CABYR: variants seen among roughly 807,000 people sequenced by gnomAD.
CABYR encodes calcium-binding tyrosine phosphorylation-regulated protein.
Under a neutral mutation model 36.1 loss-of-function variants are expected in CABYR, and 31 were observed. That is an observed-to-expected ratio of 0.86 (90% CI 0.64 to 1.16). The LOEUF is 1.16. Among genes scored for constraint, CABYR ranks in the 50% most tolerant of loss-of-function variants. The pLI, the probability that CABYR is intolerant of heterozygous loss-of-function variation, is 0.00. For synonymous variants in CABYR, 146 were observed against 160.7 expected, an observed-to-expected ratio of 0.91 and a Z score of 0.69; for missense variants, 429 against 455.8, an observed-to-expected ratio of 0.94 and a Z score of 0.53.
At chr18:24,160,193 C>T (rs1358850199) in intron 5 of CABYR, 124 bp downstream of exon 5, 13 of 727,966 alleles carry the variant, frequency 1.8e-5, no homozygotes, top group Non-Finnish European at 9.1e-6. Context: ...GGGGTATACT[C>T]TAACTTCCTG....
intron 3 of CABYR, among the ~76,000 whole-genome samples, chr18:24,155,094 T>C (rs2085742567): frequency 6.6e-6 from 1 of 152,256 alleles, no homozygotes; most frequent in Non-Finnish European, 1.5e-5. Flanking sequence ...TTTATTAATA[T>C]GCAGCATCTA....
In CABYR at chr18:24,159,579, C is replaced by A. The variant is rs1435489930; in HGVS notation, c.649C>A (p.Pro217Thr). ...AGGTCACCCATCACCGCCACCTGCA[C>A]CTGGGCCTTTTCCCCAAGCAACCCT... ...QQGHPSPPPAPGPFPQATLYL... is the reference protein window; with the variant it reads ...QQGHPSPPPATGPFPQATLYL... The change falls in exon 5 of 6, where the codon CCT becomes ACT. Residue 217 changes from proline to threonine, a missense_variant. Physicochemically the swap from Pro to Thr is conservative, Grantham distance 38. Transcript: ENST00000399496. The A allele has an allele frequency of 6.2e-7, 1 of 1,614,098 alleles. No homozygotes were observed. The highest frequency in any genetic ancestry group is 8.5e-7 in the Non-Finnish European group (1 of 1,180,018).
In CABYR at chr18:24,155,784, G is replaced by A. The variant is rs780422303; in HGVS notation, c.283G>A (p.Val95Ile). ...AGGAAAAACATCTGTAGAATCTAAA[G>A]TACCTACCCAGATGGAAAAATCTAC... ...EPGKTSVESK[V>I]PTQMEKSTDT... The change falls in exon 4 of 6, where the codon GTA (valine) becomes ATA (isoleucine). Residue 95 changes from valine to isoleucine, a missense_variant. Val to Ile is a conservative substitution (Grantham distance 29, BLOSUM62 3). Coordinates refer to ENST00000399496, the MANE Select transcript of CABYR (RefSeq NM_153769.3). 1.9e-6 allele frequency: 3 copies of A among 1,614,098 alleles called. No homozygotes were observed. The highest frequency in any genetic ancestry group is 1.1e-5 in the South Asian group (1 of 91,084).
chr18:24,142,892 G>T (rs1043959798), intron 1 of CABYR, among the ~76,000 whole-genome samples, 199 bp from the exon 2 acceptor site: 3 of 151,830 alleles, frequency 2.0e-5, no homozygotes, highest in African/African-American at 2.4e-5. Flanking sequence ...AATTAGCGGG[G>T]TGTGGTGCCA....
chr18:24,153,455 C>T (rs1228561939), intron 3 of CABYR, among the ~76,000 whole-genome samples: 1 of 152,092 alleles, frequency 6.6e-6, no homozygotes, highest in African/African-American at 2.4e-5. Flanking sequence ...GGTCTGGAGT[C>T]CCAGGTAATT....
intron 3 of CABYR, among the ~76,000 whole-genome samples, chr18:24,149,967 G>A (rs2085576863): frequency 6.6e-6 from 1 of 152,262 alleles, no homozygotes; most frequent in South Asian, 2.1e-4. Flanking sequence ...TGAGGGAGCC[G>A]GCTCTGGCCT....
intron 3 of CABYR, chr18:24,152,825 A>G (rs976696050): frequency 6.6e-6 from 1 of 152,106 alleles, no homozygotes; most frequent in African/African-American, 2.4e-5. Flanking sequence ...CGCTCATGGT[A>G]AGTAAATCAG....
chr18:24,153,555 A>T (rs1568462298), intron 3 of CABYR, among the ~76,000 whole-genome samples: 1 of 151,926 alleles, frequency 6.6e-6, no homozygotes, highest in Non-Finnish European at 1.5e-5. Flanking sequence ...ATGGCAGCCT[A>T]TTCTTTCTGG....
intron 3 of CABYR, among the ~76,000 whole-genome samples, chr18:24,149,833 G>A (rs1028206667): frequency 6.6e-5 from 10 of 152,224 alleles, no homozygotes; most frequent in East Asian, 1.9e-4. Flanking sequence ...TGGCAGGGCC[G>A]GCCCGCTGCT....
At chr18:24,160,349 T>C in intron 5 of CABYR, 1 of 373,898 alleles carries the variant, frequency 2.7e-6, no homozygotes, top group South Asian at 4.4e-5. Context: ...GTCCATTGTC[T>C]AACAAACACA....
chr18:24,151,023 T>G (rs899452710), intron 3 of CABYR, among the ~76,000 whole-genome samples: 2 of 152,158 alleles, frequency 1.3e-5, no homozygotes, highest in African/African-American at 4.8e-5. Flanking sequence ...ATACAGCCTC[T>G]CGTATCTCTT....
At chr18:24,156,218 A>T in intron 4 of CABYR, 176 bp downstream of exon 4, 1 of 1,614,160 alleles carries the variant, frequency 6.2e-7, no homozygotes, top group Non-Finnish European at 8.5e-7. Flanking sequence ...TGAACCAAAC[A>T]TCTGTCCATG....
At chr18:24,142,509 TA>T (rs2145851555) in intron 1 of CABYR, among the ~76,000 whole-genome samples, 1 of 152,282 alleles carries the variant, frequency 6.6e-6, no homozygotes, top group South Asian at 2.1e-4. Flanking sequence ...CACTGAATTT[TA>T]CAGAGGCAGG....
intron 3 of CABYR, among the ~76,000 whole-genome samples, chr18:24,148,896 A>T (rs2085528221): frequency 6.6e-6 from 1 of 152,084 alleles, no homozygotes; most frequent in South Asian, 2.1e-4. Context: ...TATTGCAAAG[A>T]GGAAAAACAA....
rs761049924 is a variant in CABYR, at chr18:24,159,489, C to T, written c.559C>T (p.Arg187Ter). The change falls in exon 5 of 6, where the codon CGA becomes TGA. Residue 187 changes from arginine (R) to a stop codon, truncating the protein, a stop_gained. Coordinates refer to ENST00000399496, the MANE Select transcript of CABYR (RefSeq NM_153769.3). LOFTEE classifies it high-confidence loss of function. Reference protein sequence around the residue: ...AQMLAMATSERGQPPPCSNMW... With the variant: ...AQMLAMATSE ...TTTTATAGCAATGGCAACAAGTGAA[C>T]GAGGACAACCACCACCATGTTCTAA... is the stretch of plus-strand genomic sequence containing the variant. 1.1e-5 allele frequency: 18 copies of T among 1,611,664 alleles called. No homozygotes were observed. The highest frequency in any genetic ancestry group is 4.5e-5 in the East Asian group (2 of 44,856).
Position 24,154,466 on chromosome 18 carries a change from A to G in CABYR, c.200-1235A>G, listed in dbSNP as rs148921457. 9.3e-4 allele frequency among the ~76,000 whole-genome samples: 141 copies of G among 152,356 alleles called. 2 individuals are homozygous for G. Among genetic ancestry groups the G allele is most frequent in the African/African-American group, 3.2e-3 (135 of 41,576 alleles). ...TCTCTCTTTTTGAATCTTTCTCTGC[A>G]TGTGAGCATTTGGTATAATGTCCAT... On this transcript the variant is annotated intron_variant, in intron 3 of 5. Transcript: ENST00000399496.
At chr18:24,157,956 G>C (rs1355503509) in intron 4 of CABYR, among the ~76,000 whole-genome samples, 1 of 152,192 alleles carries the variant, frequency 6.6e-6, no homozygotes, top group African/African-American at 2.4e-5. Context: ...TGTTAGCAAA[G>C]CAGGTGTTTA....
intron 3 of CABYR, among the ~76,000 whole-genome samples, chr18:24,149,907 C>G (rs949658331): frequency 1.4e-4 from 21 of 152,216 alleles, no homozygotes; most frequent in African/African-American, 5.1e-4. Flanking sequence ...AAGCGCGGCG[C>G]GCAGCCCCGG....
intron 3 of CABYR, among the ~76,000 whole-genome samples, chr18:24,143,878 TATAA>T (rs928953110): frequency 1.3e-5 from 2 of 151,612 alleles, no homozygotes; most frequent in Non-Finnish European, 2.9e-5. Context: ...AGGAAAGTTG[TATAA>T]ATACTTTGTT....
Sources: gnomAD v4.1 joint callset for allele counts (sites outside exome capture counted in the v4.1 genomes callset) on GRCh38, gnomAD v4.1.1 for gene constraint, MANE v1.5 for transcripts, NCBI Gene and HGNC (gene_info 2026-07-23, HGNC 2026-07-21) for gene names.